FAM227B: variants seen among roughly 807,000 people sequenced by gnomAD.
FAM227B encodes protein FAM227B.
Under a neutral mutation model 73.8 loss-of-function variants are expected in FAM227B, and 88 were observed. The observed-to-expected ratio is 1.19, with a 90% CI of 1.00 to 1.42. FAM227B has a LOEUF of 1.42. Among genes scored for constraint, FAM227B ranks in the 40% most tolerant of loss-of-function variants. The pLI is 0.00. For synonymous variants in FAM227B, 210 were observed against 190.5 expected (o/e 1.10, Z -0.84); for missense variants, 632 against 590.9 (o/e 1.07, Z -0.72).
At chr15:49,396,270 A>G in intron 11 of FAM227B, 1 of 405,310 alleles carries the variant, frequency 2.5e-6, no homozygotes, top group Non-Finnish European at 4.8e-6. Flanking sequence ...CTCCCACCTG[A>G]ATACTGTGCT....
At chr15:49,602,735 G>C (rs1390574783) in intron 3 of FAM227B, among the ~76,000 whole-genome samples, 2 of 152,152 alleles carry the variant, frequency 1.3e-5, no homozygotes, top group African/African-American at 4.8e-5. Context: ...CAATGTGCTG[G>C]AGAGTTTTCC....
chr15:49,596,895 A>C (rs2076916965), intron 3 of FAM227B, among the ~76,000 whole-genome samples: 1 of 152,016 alleles, frequency 6.6e-6, no homozygotes, highest in African/African-American at 2.4e-5. Flanking sequence ...TATAATGATG[A>C]AAGGCCTAGT....
chr15:49,561,370 A>G (rs564706030), intron 9 of FAM227B, among the ~76,000 whole-genome samples: 1 of 152,146 alleles, frequency 6.6e-6, no homozygotes, highest in Non-Finnish European at 1.5e-5. Context: ...GATTAATAAA[A>G]CAAGTACTTA....
chr15:49,542,734 CTAGT>C (rs1329849725), intron 9 of FAM227B, among the ~76,000 whole-genome samples: 2 of 148,836 alleles, frequency 1.3e-5, no homozygotes, highest in African/African-American at 2.4e-5. Flanking sequence ...ATAATTAAAA[CTAGT>C]TATACATTTA....
intron 9 of FAM227B, among the ~76,000 whole-genome samples, chr15:49,548,987 CATTTCA>C (rs2072383915): frequency 6.6e-6 from 1 of 152,040 alleles, no homozygotes; most frequent in South Asian, 2.1e-4. Flanking sequence ...CATTTGTTTT[CATTTCA>C]ATTTCATTTA....
At chr15:49,589,542 TACACACACACACACACACAC>T (rs35391819) in intron 4 of FAM227B, among the ~76,000 whole-genome samples, 186 of 139,822 alleles carry the variant, frequency 1.3e-3, no homozygotes, top group Middle Eastern at 3.6e-3. Context: ...TTTATGAGAT[TACACACACACACACACACAC>T]ACACACACAC....
Position 49,489,873 on chromosome 15 carries a change from TATATATATATAGAG to T in FAM227B, c.1012+18324_1012+18337del, listed in dbSNP as rs1450710373. On this transcript the variant is annotated intron_variant, in intron 11 of 15. Coordinates refer to ENST00000299338, the MANE Select transcript of FAM227B (RefSeq NM_152647.3). ...TATATATATATTTTATATATATATA[TATATATATATAGAG>T]AGAGAGAGAGAGAGAGAGAGAGAGA... Among the ~76,000 whole-genome samples, 11 of 15,882 alleles carry T rather than the reference TATATATATATAGAG, an allele frequency of 6.9e-4. 2 individuals are homozygous for T. Among genetic ancestry groups the T allele is most frequent in the East Asian group, 4.4e-3 (2 of 450 alleles). The allele number at this position is 15,882 out of a possible 152,430, so 10.4% of individuals were successfully genotyped here.
rs1491033089 is a variant in FAM227B, at chr15:49,422,175, C to CGT, written c.1013-50777_1013-50776insAC. 7.8e-5 allele frequency among the ~76,000 whole-genome samples: 10 copies of CGT among 127,454 alleles called. No individual in the cohort carries two copies. In the South Asian group the frequency reaches 3.3e-3, roughly 42 times the overall value. 83.6% of individuals were successfully genotyped at this position (127,454 alleles called of 152,430 possible). On this transcript the variant is annotated intron_variant, in intron 11 of 15. Transcript: ENST00000299338. ...GTGTGTGTGTGTGTGCGCGCGCGCGCGCGTGCACGCGTGTGTGTTTTGAGG... is the reference window on the plus strand; with the variant it reads ...GTGTGTGTGTGTGTGCGCGCGCGCGCGTGCGTGCACGCGTGTGTGTTTTGAGG...
chr15:49,431,983 A>G (rs2050663612), intron 11 of FAM227B, among the ~76,000 whole-genome samples: 1 of 151,690 alleles, frequency 6.6e-6, no homozygotes, highest in African/African-American at 2.4e-5. Flanking sequence ...TACAGGTATT[A>G]CTCAAATAGG....
chr15:49,366,956 T>G (rs2045323657), intron 13 of FAM227B, among the ~76,000 whole-genome samples: 1 of 152,220 alleles, frequency 6.6e-6, no homozygotes, highest in Non-Finnish European at 1.5e-5. Context: ...GCCCTACCCC[T>G]GCTTCAACCA....
chr15:49,508,652 T>G (rs1467164802), intron 10 of FAM227B, among the ~76,000 whole-genome samples: 2 of 152,094 alleles, frequency 1.3e-5, no homozygotes, highest in Non-Finnish European at 2.9e-5. Flanking sequence ...TTAACAATAA[T>G]TATGACTATA....
At chr15:49,553,614 G>A (rs1567564135) in intron 9 of FAM227B, among the ~76,000 whole-genome samples, 1 of 152,328 alleles carries the variant, frequency 6.6e-6, no homozygotes, top group Non-Finnish European at 1.5e-5. Context: ...ATCACAAGAT[G>A]CAGTCCTTCC....
chr15:49,363,533 T>C (rs2044610576), intron 13 of FAM227B, among the ~76,000 whole-genome samples: 1 of 152,156 alleles, frequency 6.6e-6, no homozygotes, highest in Non-Finnish European at 1.5e-5. Flanking sequence ...GCAGAGACGA[T>C]TGGTTTTGCT....
At chr15:49,513,710 T>C (rs2059177807) in intron 10 of FAM227B, among the ~76,000 whole-genome samples, 1 of 152,226 alleles carries the variant, frequency 6.6e-6, no homozygotes, top group South Asian at 2.1e-4. Flanking sequence ...GGTTTTCTTC[T>C]AGGGTTTTTA....
intron 11 of FAM227B, among the ~76,000 whole-genome samples, chr15:49,377,920 A>G (rs558108873): frequency 2.6e-5 from 4 of 152,218 alleles, no homozygotes; most frequent in African/African-American, 9.6e-5. Context: ...GGTGTTGCTC[A>G]AAAAAATGTC....
At chr15:49,335,976 C>T (rs1326124335) in intron 13 of FAM227B, among the ~76,000 whole-genome samples, 2 of 152,144 alleles carry the variant, frequency 1.3e-5, no homozygotes, top group Non-Finnish European at 2.9e-5. Flanking sequence ...GCCTCAGCTT[C>T]CTGAGTAGTA....
intron 11 of FAM227B, among the ~76,000 whole-genome samples, chr15:49,489,843 ATATATATATATATATT>A (rs1567382322): frequency 2.8e-4 from 4 of 14,470 alleles, no homozygotes; most frequent in Non-Finnish European, 4.3e-4. Flanking sequence ...TATATATTTT[ATATATATATATATATT>A]TTATATATAT....
Position 49,381,007 on chromosome 15 carries a change from G to A in FAM227B, c.1013-9608C>T, listed in dbSNP as rs79781918. ...CACGCCTCAGGGAGATTACAATCGT[G>A]GTAAAAGGCAAAGGAGGAGCCCATG... On this transcript the variant is annotated intron_variant, in intron 11 of 15. Transcript: ENST00000299338. 1.3e-3 allele frequency among the ~76,000 whole-genome samples: 203 copies of A among 152,294 alleles called. 2 individuals carry two copies. In the East Asian group the frequency reaches 0.013, roughly 10 times the overall value.
At chr15:49,442,177 T>A (rs1389218065) in intron 11 of FAM227B, among the ~76,000 whole-genome samples, 1 of 151,674 alleles carries the variant, frequency 6.6e-6, no homozygotes, top group African/African-American at 2.4e-5. Flanking sequence ...TACCTTATTT[T>A]CTACTGTTTG....
Sources: allele counts gnomAD v4.1 joint callset (sites outside exome capture counted in the v4.1 genomes callset), GRCh38; gene constraint gnomAD v4.1.1; transcripts MANE v1.5; gene names NCBI Gene and HGNC (gene_info 2026-07-23, HGNC 2026-07-21).